Variants in SAMMSON observed in about 807,000 individuals in gnomAD.
SAMMSON encodes the protein survival associated mitochondrial melanoma specific oncogenic non-coding RNA.
At chr3:70,318,839 T>C (rs1165519729) in intron 7 of SAMMSON, among the ~76,000 whole-genome samples, 1 of 152,092 alleles carries the variant, frequency 6.6e-6, no homozygotes, top group African/African-American at 2.4e-5. Context: ...TTTTTTCTGA[T>C]AATGGGTCAT....
At chr3:70,248,402 T>A (rs1440525333) in intron 4 of SAMMSON, among the ~76,000 whole-genome samples, 7 of 152,032 alleles carry the variant, frequency 4.6e-5, no homozygotes, top group Non-Finnish European at 8.8e-5. Context: ...AAGTGTTGGG[T>A]TATGAAGCAG....
intron 4 of SAMMSON, among the ~76,000 whole-genome samples, chr3:70,219,500 C>A (rs1348186755): frequency 6.6e-6 from 1 of 151,870 alleles, no homozygotes; most frequent in Non-Finnish European, 1.5e-5. Flanking sequence ...AGAAATTTTT[C>A]AAAAATTGTG....
intron 4 of SAMMSON, among the ~76,000 whole-genome samples, chr3:70,215,454 G>A (rs1429302204): frequency 6.6e-6 from 1 of 151,988 alleles, no homozygotes; most frequent in East Asian, 1.9e-4. Context: ...TTGATTAGGA[G>A]GTACTTTTTA....
intron 4 of SAMMSON, among the ~76,000 whole-genome samples, chr3:70,234,707 C>G (rs1022463925): frequency 1.3e-5 from 2 of 152,050 alleles, no homozygotes; most frequent in African/African-American, 2.4e-5. Flanking sequence ...ACACATACAT[C>G]TACTTTGCAG....
chr3:70,186,515 A>G (rs1029695588), intron 4 of SAMMSON, among the ~76,000 whole-genome samples: 2 of 151,442 alleles, frequency 1.3e-5, no homozygotes, highest in Non-Finnish European at 2.9e-5. Context: ...GGCTTAAGTG[A>G]CCCTCCCGCC....
intron 3 of SAMMSON, among the ~76,000 whole-genome samples, chr3:70,039,516 A>T (rs2067098406): frequency 6.6e-6 from 1 of 151,768 alleles, no homozygotes; most frequent in African/African-American, 2.4e-5. Flanking sequence ...CTCCAGCCAG[A>T]TGGCCACACT....
At chr3:70,386,949 A>C (rs1221052593) in intron 9 of SAMMSON, among the ~76,000 whole-genome samples, 1 of 152,098 alleles carries the variant, frequency 6.6e-6, no homozygotes, top group African/African-American at 2.4e-5. Flanking sequence ...TAATCATTCC[A>C]CTATTCATGA....
intron 6 of SAMMSON, among the ~76,000 whole-genome samples, chr3:70,268,526 T>C (rs2049219): frequency 0.47 from 70,728 of 149,924 alleles, 17,554 homozygotes; most frequent in East Asian, 0.75. Context: ...TTTGTTACAA[T>C]TGATAAACCT....
intron 4 of SAMMSON, among the ~76,000 whole-genome samples, chr3:70,185,160 T>A (rs1188630181): frequency 6.6e-6 from 1 of 152,166 alleles, no homozygotes; most frequent in African/African-American, 2.4e-5. Context: ...GGAGAGATTC[T>A]CTGAAGTTTT....
intron 4 of SAMMSON, among the ~76,000 whole-genome samples, chr3:70,121,998 G>C (rs1376103966): frequency 1.3e-5 from 2 of 152,104 alleles, no homozygotes; most frequent in Admixed American, 1.3e-4. Context: ...CCAGGGTCTC[G>C]ACAGACCTGG....
At chr3:70,351,256 C>T (rs948259984) in intron 7 of SAMMSON, among the ~76,000 whole-genome samples, 1 of 151,990 alleles carries the variant, frequency 6.6e-6, no homozygotes, top group Non-Finnish European at 1.5e-5. Flanking sequence ...TAAGTTGATA[C>T]TTAAGGGATA....
chr3:70,308,896 T>C (rs1559560236), intron 7 of SAMMSON, among the ~76,000 whole-genome samples: 1 of 152,138 alleles, frequency 6.6e-6, no homozygotes, highest in Non-Finnish European at 1.5e-5. Flanking sequence ...AGTGAAGTGC[T>C]TGTTCCAAGC....
intron 9 of SAMMSON, among the ~76,000 whole-genome samples, chr3:70,377,501 G>A (rs540765050): frequency 2.6e-5 from 4 of 152,126 alleles, no homozygotes; most frequent in South Asian, 2.1e-4. Context: ...ATTCCAGATG[G>A]GTAAAAGATT....
At chr3:70,044,527 A>T (rs2067116891) in intron 3 of SAMMSON, among the ~76,000 whole-genome samples, 1 of 152,062 alleles carries the variant, frequency 6.6e-6, no homozygotes, top group Non-Finnish European at 1.5e-5. Flanking sequence ...AAATGCCTTC[A>T]ACAGATCAAA....
chr3:70,324,199 C>G (rs200464434), intron 7 of SAMMSON, among the ~76,000 whole-genome samples: 2 of 90,230 alleles, frequency 2.2e-5, no homozygotes, highest in Non-Finnish European at 4.9e-5. Context: ...ATCTATCTAT[C>G]ATCTATCTAT....
intron 3 of SAMMSON, among the ~76,000 whole-genome samples, chr3:70,028,174 CCTTCCTTCCTTCCTTT>C (rs1302332556): frequency 2.9e-5 from 4 of 136,180 alleles, no homozygotes; most frequent in Non-Finnish European, 4.9e-5. Context: ...TTCCTTCCTT[CCTTCCTTCCTTCCTTT>C]CTTTCTTTCT....
intron 4 of SAMMSON, among the ~76,000 whole-genome samples, chr3:70,193,044 C>T (rs1701143507): frequency 6.6e-6 from 1 of 152,116 alleles, no homozygotes. Flanking sequence ...AATTGTCTCT[C>T]CAGGCTTTGC....
intron 4 of SAMMSON, among the ~76,000 whole-genome samples, chr3:70,243,653 C>T (rs1011915513): frequency 5.9e-5 from 9 of 152,172 alleles, no homozygotes; most frequent in African/African-American, 1.7e-4. Context: ...TCTACCCACT[C>T]GATGCCAGCA....
intron 2 of SAMMSON, among the ~76,000 whole-genome samples, chr3:70,414,722 T>C (rs548208697): frequency 2.0e-5 from 3 of 152,286 alleles, no homozygotes; most frequent in African/African-American, 7.2e-5. Flanking sequence ...ATTTGTAAAA[T>C]GAACCTCATA....
Sources: allele counts gnomAD v4.1 joint callset (sites outside exome capture counted in the v4.1 genomes callset), GRCh38; gene constraint gnomAD v4.1.1; transcripts MANE v1.5; gene names NCBI Gene and HGNC (gene_info 2026-07-23, HGNC 2026-07-21).